Variants in PDCD11 observed in about 807,000 individuals in gnomAD.
PDCD11 encodes the protein programmed cell death 11, also known as protein RRP5 homolog.
PDCD11 carries 97 observed loss-of-function variants against 198.9 expected under a neutral mutation model. The observed-to-expected ratio is 0.49, with a 90% CI of 0.41 to 0.58. The LOEUF is 0.58. Among genes scored for constraint, PDCD11 ranks in the 20% least tolerant of loss-of-function variants. PDCD11 has a pLI of 0.00. For synonymous variants in PDCD11, 893 were observed against 918.0 expected (o/e 0.97, Z 0.49); for missense variants, 2,102 against 2,312.7 (o/e 0.91, Z 1.87).
intron 21 of PDCD11, among the ~76,000 whole-genome samples, chr10:103,428,506 G>A (rs1349158611): frequency 6.6e-6 from 1 of 152,040 alleles, no homozygotes; most frequent in Non-Finnish European, 1.5e-5. Context: ...GTCTTTGTTG[G>A]AAAAATGAAG....
chr10:103,409,759 A>G lies in PDCD11; in HGVS notation c.931A>G (p.Met311Val), dbSNP rs190994349. 1.2e-6 allele frequency: 2 copies of G among 1,614,068 alleles called. No homozygotes were observed. Among genetic ancestry groups the G allele is most frequent in the Non-Finnish European group, 1.7e-6 (2 of 1,179,972 alleles). ...ATTCTTCACGGGCGTGGTTGACTTTATGCACCTGGATCCCAAGAAAGCTGG... is the reference window on the plus strand; with the variant it reads ...ATTCTTCACGGGCGTGGTTGACTTTGTGCACCTGGATCCCAAGAAAGCTGG... ...LTFFTGVVDFMHLDPKKAGTY... is the reference protein window; with the variant it reads ...LTFFTGVVDFVHLDPKKAGTY... Residue 311 changes from methionine to valine, a missense_variant, in exon 8 of 36, where the codon ATG becomes GTG. Coordinates refer to ENST00000369797, the MANE Select transcript of PDCD11 (RefSeq NM_014976.2).
chr10:103,427,215 G>A, intron 20 of PDCD11, 114 bp from the exon 21 acceptor site: 1 of 863,810 alleles, frequency 1.2e-6, no homozygotes, highest in South Asian at 1.4e-5. Flanking sequence ...GTGTGACAGT[G>A]GAACAGGGTG....
chr10:103,433,810 A>G (rs2032034488), intron 22 of PDCD11, 138 bp from the exon 23 acceptor site: 2 of 663,650 alleles, frequency 3.0e-6, no homozygotes, highest in Non-Finnish European at 5.5e-6. Context: ...GGGCAAGGGC[A>G]GTGGGATGGA....
In PDCD11 at chr10:103,417,723, G is replaced by A. The variant is rs574158829; in HGVS notation, c.1771-69G>A. On this transcript the variant is annotated intron_variant, in intron 13 of 35. Transcript: ENST00000369797. ...TCCCAAGTCCTCTGCAGCAGTAGTG[G>A]AGGGCACGTTGCAGGGCCTGCAAGG... 1.3e-5 allele frequency: 20 copies of A among 1,541,668 alleles called. No homozygotes were observed. In the Admixed American group the frequency reaches 1.5e-4, roughly 12 times the overall value.
chr10:103,440,767 C>T lies in PDCD11; in HGVS notation c.4474C>T (p.Leu1492=). Residue 1492 remains leucine (L), a synonymous_variant, in exon 30 of 36, where the codon CTG becomes TTG. Coordinates refer to ENST00000369797, the MANE Select transcript of PDCD11 (RefSeq NM_014976.2). ...GAGCAAGAAGCCAAAGAAAGCCGGCCTGTCAGAGGAGGACGACAGCCTTGT... is the reference window on the plus strand; with the variant it reads ...GAGCAAGAAGCCAAAGAAAGCCGGCTTGTCAGAGGAGGACGACAGCCTTGT... ...RVSKKPKKAG[L]SEEDDSLVDV... The T allele has an allele frequency of 6.2e-7, 1 of 1,614,140 alleles. No homozygotes were observed.
chr10:103,403,330 C>T, intron 4 of PDCD11, 45 bp downstream of exon 4: 1 of 1,552,026 alleles, frequency 6.4e-7, no homozygotes, highest in Non-Finnish European at 8.8e-7. Flanking sequence ...ATAAGTGGAA[C>T]ACAAATAGAT....
intron 31 of PDCD11, 88 bp from the exon 32 acceptor site, chr10:103,442,125 C>G: frequency 1.8e-5 from 28 of 1,570,454 alleles, no homozygotes; most frequent in Non-Finnish European, 2.4e-5. Flanking sequence ...GAGCCCTGGG[C>G]TGCCCAGCCA....
At chr10:103,424,892 G>A (rs1291149391) in intron 19 of PDCD11, 92 bp from the exon 20 acceptor site, 5 of 1,446,634 alleles carry the variant, frequency 3.5e-6, no homozygotes, top group Non-Finnish European at 4.7e-6. Flanking sequence ...GACCCCAGAG[G>A]GTTTCCTCAG....
Position 103,423,063 on chromosome 10 carries a change from A to T in PDCD11, c.2573A>T (p.Glu858Val). Reference sequence around the variant, plus strand: ...GACCTAGTGGTGCAGGAGGTGTTGGAAGATGGCTCTGTGGTATTCAGTGGG... The same window carrying T: ...GACCTAGTGGTGCAGGAGGTGTTGGTAGATGGCTCTGTGGTATTCAGTGGG... ...FLDLVVQEVL[E>V]DGSVVFSGGP... is the part of the protein sequence containing the mutation. The change falls in exon 18 of 36, where the codon GAA becomes GTA. Residue 858 changes from glutamate to valine, a missense_variant. Physicochemically the swap from Glu to Val is moderately radical, Grantham distance 121. Coordinates refer to ENST00000369797, the MANE Select transcript of PDCD11 (RefSeq NM_014976.2). The T allele has an allele frequency of 1.2e-6, 2 of 1,607,166 alleles. No individual in the cohort carries two copies. Among genetic ancestry groups the T allele is most frequent in the Non-Finnish European group, 8.5e-7 (1 of 1,176,454 alleles).
At chr10:103,422,592 A>AC (rs1164130531) in intron 17 of PDCD11, among the ~76,000 whole-genome samples, 8 of 152,074 alleles carry the variant, frequency 5.3e-5, no homozygotes, top group Non-Finnish European at 8.8e-5. Flanking sequence ...ATGAAATGGA[A>AC]CTGGGACCTG....
Position 103,413,238 on chromosome 10 carries a change from G to A in PDCD11, c.1101G>A (p.Val367=), listed in dbSNP as rs778805006. ...TRLSCQNLGA[V]LDDVPVQGFF... ...TCTCTTGCCAGAACCTTGGAGCAGT[G>A]CTGGATGATGTTCCTGTCCAGGGTT... Residue 367 remains valine, a synonymous_variant, in exon 9 of 36, where the codon GTG becomes GTA. Coordinates refer to ENST00000369797, the MANE Select transcript of PDCD11 (RefSeq NM_014976.2). 38 of 1,614,046 alleles carry A rather than the reference G, an allele frequency of 2.4e-5. 1 individual carries two copies. In the South Asian group the frequency reaches 4.1e-4, roughly 17 times the overall value.
intron 3 of PDCD11, among the ~76,000 whole-genome samples, chr10:103,402,017 C>T (rs1007433302): frequency 2.6e-5 from 4 of 152,214 alleles, no homozygotes; most frequent in Admixed American, 6.5e-5. Context: ...GCTGGGATTA[C>T]AGGCGTGAGC....
intron 16 of PDCD11, among the ~76,000 whole-genome samples, chr10:103,420,791 T>A (rs1167250321): frequency 6.6e-6 from 1 of 152,086 alleles, no homozygotes; most frequent in Non-Finnish European, 1.5e-5. Context: ...CCCTGGTGTC[T>A]GCCTGGCTTG....
chr10:103,424,857 C>A, intron 19 of PDCD11, 127 bp from the exon 20 acceptor site: 1 of 1,011,840 alleles, frequency 9.9e-7, no homozygotes, highest in Non-Finnish European at 1.5e-6. Flanking sequence ...CCAGCTCAGA[C>A]CAGCCTTGAG....
At chr10:103,428,194 A>C (rs184387787) in intron 21 of PDCD11, among the ~76,000 whole-genome samples, 7 of 152,168 alleles carry the variant, frequency 4.6e-5, no homozygotes, top group Non-Finnish European at 8.8e-5. Context: ...AATCCGAGCT[A>C]CTTGGAAGGC....
At position 103,419,682 on chromosome 10, in the gene PDCD11, G is replaced by C. The variant is rs2031314802; in HGVS notation, c.2251G>C (p.Gly751Arg). 2 of 1,614,022 alleles carry C rather than the reference G, an allele frequency of 1.2e-6. No homozygotes were observed. Among genetic ancestry groups the C allele is most frequent in the South Asian group, 2.2e-5 (2 of 91,054 alleles). The change falls in exon 16 of 36, where the codon GGT becomes CGT. Residue 751 changes from glycine (G) to arginine (R), a missense_variant. Coordinates refer to ENST00000369797, the MANE Select transcript of PDCD11 (RefSeq NM_014976.2). ...TGGCGTGTTCATCCAGTTCCCCTCAGGTCTTAGCGGACTGGCCCCAAAAGC... is the reference window on the plus strand; with the variant it reads ...TGGCGTGTTCATCCAGTTCCCCTCACGTCTTAGCGGACTGGCCCCAAAAGC... ...DYGVFIQFPS[G>R]LSGLAPKAIM... is the part of the protein sequence containing the mutation.
At chr10:103,399,173 G>A (rs946564559) in intron 2 of PDCD11, among the ~76,000 whole-genome samples, 3 of 147,780 alleles carry the variant, frequency 2.0e-5, no homozygotes, top group African/African-American at 5.0e-5. Flanking sequence ...GTGCAGTGGC[G>A]TGAGTAGCTG....
intron 4 of PDCD11, among the ~76,000 whole-genome samples, chr10:103,403,903 A>G (rs911868678): frequency 3.3e-5 from 5 of 152,090 alleles, no homozygotes. Context: ...GCTGAGTTCT[A>G]GGTTTCTGTT....
chr10:103,432,048 G>A, intron 21 of PDCD11, 81 bp from the exon 22 acceptor site: 1 of 1,036,496 alleles, frequency 9.6e-7, no homozygotes, highest in East Asian at 2.4e-5. Context: ...GTCAATCCGT[G>A]GCCACTTGGG....
Sources: allele counts gnomAD v4.1 joint callset (sites outside exome capture counted in the v4.1 genomes callset), GRCh38; gene constraint gnomAD v4.1.1; transcripts MANE v1.5; gene names NCBI Gene and HGNC (gene_info 2026-07-23, HGNC 2026-07-21).